The following TMEFF2 variants were observed in gnomAD, a reference collection of about 807,000 sequenced individuals.
The protein encoded by TMEFF2 is transmembrane protein with EGF like and two follistatin like domains 2, also known as tomoregulin-2.
In TMEFF2, 28 loss-of-function variants were observed where a neutral mutation model predicts 53.8. The observed-to-expected ratio is 0.52, with a 90% CI of 0.39 to 0.71. The LOEUF is 0.71. Ranked by LOEUF, TMEFF2 falls within the 30% of genes least tolerant of loss-of-function variation. The probability of loss-of-function intolerance (pLI) is 0.00; values close to 1 mark genes in which losing one functional copy is unlikely to be tolerated. For synonymous variants in TMEFF2, 162 were observed against 166.3 expected, an observed-to-expected ratio of 0.97 and a Z score of 0.20; for missense variants, 353 against 455.2, an observed-to-expected ratio of 0.78 and a Z score of 2.04.
intron 7 of TMEFF2, among the ~76,000 whole-genome samples, chr2:191,974,562 AAAG>A (rs1692745496): frequency 6.6e-6 from 1 of 152,202 alleles, no homozygotes; most frequent in Non-Finnish European, 1.5e-5. Flanking sequence ...TTCACAACCT[AAAG>A]AAGGCCAAAA....
At chr2:191,989,652 A>C (rs1686056570) in intron 7 of TMEFF2, among the ~76,000 whole-genome samples, 1 of 152,108 alleles carries the variant, frequency 6.6e-6, no homozygotes, top group African/African-American at 2.4e-5. Context: ...TGAGAGCCAT[A>C]CCTGCCCTGA....
chr2:191,955,721 G>GA (rs373655016), intron 8 of TMEFF2, among the ~76,000 whole-genome samples: 1 of 151,508 alleles, frequency 6.6e-6, no homozygotes, highest in African/African-American at 2.4e-5. Context: ...GAAACTGGGG[G>GA]GGTATGGCTA....
chr2:191,998,851 C>G (rs994437428), intron 6 of TMEFF2, among the ~76,000 whole-genome samples: 7 of 151,848 alleles, frequency 4.6e-5, no homozygotes, highest in African/African-American at 1.7e-4. Flanking sequence ...AATACAGTTC[C>G]ATTGTATAGA....
rs201352194 is a variant in TMEFF2, at chr2:191,964,398, C to T, written c.746-8020G>A. 1.6e-3 allele frequency among the ~76,000 whole-genome samples: 83 copies of T among 51,768 alleles called. 1 individual carries two copies. The highest frequency in any genetic ancestry group is 2.3e-3 in the Non-Finnish European group (62 of 26,736). The allele number at this position is 51,768 out of a possible 152,430, so 34.0% of individuals were successfully genotyped here. A position where few individuals can be genotyped will look rare whatever the true frequency, so the allele number is the denominator to read the frequency against. ...TCTTTCTTTCTTTCTTTCTTTCTTT[C>T]TCTTTCTTTCTTTCTTTCTTTCTTT... On this transcript the variant is annotated intron_variant, in intron 7 of 9. Transcript: ENST00000272771.
At chr2:192,069,266 G>GA (rs1433259575) in intron 4 of TMEFF2, among the ~76,000 whole-genome samples, 2 of 151,666 alleles carry the variant, frequency 1.3e-5, no homozygotes, top group Non-Finnish European at 2.9e-5. Flanking sequence ...TAGAACCCCT[G>GA]AAGACCTCTG....
At chr2:192,152,546 ACTT>A (rs1179226507) in intron 4 of TMEFF2, among the ~76,000 whole-genome samples, 1 of 151,944 alleles carries the variant, frequency 6.6e-6, no homozygotes, top group Non-Finnish European at 1.5e-5. Context: ...CAGATGCAAA[ACTT>A]CTTATTCACG....
intron 4 of TMEFF2, among the ~76,000 whole-genome samples, chr2:192,152,992 G>A (rs933732042): frequency 1.3e-5 from 2 of 151,668 alleles, no homozygotes; most frequent in African/African-American, 4.8e-5. Context: ...GAAGATATTA[G>A]TTAATTTGGT....
In TMEFF2 at chr2:192,180,505, T is replaced by C. The variant is rs188029629; in HGVS notation, c.413-811A>G. Among the ~76,000 whole-genome samples the C allele has an allele frequency of 3.6e-3, 541 of 151,836 alleles. 9 individuals carry two copies. Among genetic ancestry groups the C allele is most frequent in the African/African-American group, 0.012 (502 of 41,492 alleles). The stretch of plus-strand genomic sequence containing the variant: ...GTGTAGACATCATCTTCCTTCTGAC[T>C]TTCCATTTTTGTTTGTTCACAATAC... On this transcript the variant is annotated intron_variant, in intron 3 of 9. Transcript: ENST00000272771.
chr2:192,015,613 G>A (rs1281123541), intron 5 of TMEFF2, among the ~76,000 whole-genome samples: 1 of 151,892 alleles, frequency 6.6e-6, no homozygotes, highest in Non-Finnish European at 1.5e-5. Flanking sequence ...TAAATAAAAG[G>A]GCAACTATAT....
chr2:192,012,313 T>C (rs767957874), intron 5 of TMEFF2, among the ~76,000 whole-genome samples: 13 of 152,214 alleles, frequency 8.5e-5, no homozygotes, highest in Non-Finnish European at 1.8e-4. Context: ...TTATAGTTGA[T>C]TACAATTTAA....
chr2:191,957,708 G>T (rs1692149540), intron 7 of TMEFF2, among the ~76,000 whole-genome samples: 1 of 152,096 alleles, frequency 6.6e-6, no homozygotes, highest in Non-Finnish European at 1.5e-5. Context: ...ATTATGATGG[G>T]CAATATTTTA....
chr2:192,012,684 A>G (rs546524519), intron 5 of TMEFF2, among the ~76,000 whole-genome samples: 1 of 152,322 alleles, frequency 6.6e-6, no homozygotes, highest in African/African-American at 2.4e-5. Context: ...TAAAGTTCTA[A>G]TCAAAAGTAA....
intron 7 of TMEFF2, among the ~76,000 whole-genome samples, chr2:191,981,457 C>G (rs901197651): frequency 6.6e-6 from 1 of 152,160 alleles, no homozygotes; most frequent in Admixed American, 6.5e-5. Context: ...TCTATTGCAT[C>G]AACATTTCTG....
chr2:192,072,754 G>A (rs1281103250), intron 4 of TMEFF2, among the ~76,000 whole-genome samples: 1 of 151,948 alleles, frequency 6.6e-6, no homozygotes, highest in Non-Finnish European at 1.5e-5. Context: ...TTATATGGAT[G>A]TACAAGCACT....
At chr2:192,121,655 A>G (rs1183312872) in intron 4 of TMEFF2, among the ~76,000 whole-genome samples, 1 of 152,194 alleles carries the variant, frequency 6.6e-6, no homozygotes, top group East Asian at 1.9e-4. Flanking sequence ...TGCTGGTTTT[A>G]GGATCACACC....
At chr2:191,995,269 CAT>C (rs772857021) in intron 7 of TMEFF2, among the ~76,000 whole-genome samples, 8 of 152,052 alleles carry the variant, frequency 5.3e-5, no homozygotes, top group Non-Finnish European at 8.8e-5. Context: ...TAATCAGAAA[CAT>C]GTGTTCCTGT....
In TMEFF2 at chr2:191,955,524, A is replaced by ATTTTTTTTTTTTTTTTT. The variant is rs71405028; in HGVS notation, c.869+714_869+730dup. On this transcript the variant is annotated intron_variant, in intron 8 of 9. Transcript: ENST00000272771. ...TGCCACCGTGCCTGGCTAATTCTTA[A>ATTTTTTTTTTTTTTTTT]TTTTTTTTTTTTTTTTTTTTTTTTA... Among the ~76,000 whole-genome samples the ATTTTTTTTTTTTTTTTT allele has an allele frequency of 1.0e-3, 60 of 60,280 alleles. 10 individuals are homozygous for ATTTTTTTTTTTTTTTTT. The highest frequency in any genetic ancestry group is 2.4e-3 in the African/African-American group (37 of 15,180). 39.5% of individuals were successfully genotyped at this position (60,280 alleles called of 152,430 possible).
intron 4 of TMEFF2, among the ~76,000 whole-genome samples, chr2:192,126,841 AAAACAAAC>A (rs150067959): frequency 4.6e-5 from 7 of 151,780 alleles, no homozygotes; most frequent in African/African-American, 7.3e-5. Flanking sequence ...AAAACAAAAC[AAAACAAAC>A]AAACAAACAA....
intron 4 of TMEFF2, among the ~76,000 whole-genome samples, chr2:192,130,383 G>C (rs1206153527): frequency 6.6e-6 from 1 of 151,992 alleles, no homozygotes; most frequent in Non-Finnish European, 1.5e-5. Flanking sequence ...CTTAGAAAGA[G>C]TATGTCAGGC....
Sources: gnomAD v4.1 joint callset for allele counts (sites outside exome capture counted in the v4.1 genomes callset) on GRCh38, gnomAD v4.1.1 for gene constraint, MANE v1.5 for transcripts, NCBI Gene and HGNC (gene_info 2026-07-23, HGNC 2026-07-21) for gene names.